The following MYOF variants were observed in gnomAD, a reference collection of about 807,000 sequenced individuals.
MYOF encodes the protein fer-1-like 3, myoferlin.
Under a neutral mutation model 284.2 loss-of-function variants are expected in MYOF, and 244 were observed. That is an observed-to-expected ratio of 0.86 (90% CI 0.77 to 0.95). The LOEUF is 0.95. Among genes scored for constraint, MYOF ranks in the 40% least tolerant of loss-of-function variants. The pLI, the probability that MYOF is intolerant of heterozygous loss-of-function variation, is 0.00. For synonymous variants in MYOF, 904 were observed against 919.7 expected (o/e 0.98, Z 0.31); for missense variants, 2,496 against 2,560.6 (o/e 0.97, Z 0.54).
rs377167806 is a variant in MYOF at position 93,369,743 on chromosome 10, G to T, written c.2491C>A (p.Pro831Thr). ...PQEKNNGPKV[P>T]VELRVNIWLG... is the part of the protein sequence containing the mutation. ...CAGATGTTCACTCGCAACTCCACAG[G>T]CACCTTTGGCCCGTTGTTTTTCTCC... Residue 831 changes from proline to threonine, a missense_variant, in exon 25 of 54, where the codon CCT becomes ACT. Around this residue, in one of 3 missense-constraint regions of MYOF, gnomAD observed 2,436 missense variants for 2,480.7 expected, o/e 0.98. Coordinates refer to ENST00000359263, the MANE Select transcript of MYOF (RefSeq NM_013451.4). The T allele has an allele frequency of 2.3e-5, 37 of 1,614,006 alleles. No homozygotes were observed. The East Asian group carries it at 7.6e-4, about 33-fold the overall frequency.
Position 93,323,267 on chromosome 10 carries a change from T to C in MYOF, c.5360+3A>G. ...TATCAGGGTCTCAGGATGACTGACT[T>C]ACTTCTTGGCTTTCCGGGGTGTGAT... On this transcript the variant is annotated splice_donor_region_variant and intron_variant, in intron 47 of 53. Coordinates refer to ENST00000359263, the MANE Select transcript of MYOF (RefSeq NM_013451.4). The C allele has an allele frequency of 6.2e-7, 1 of 1,614,136 alleles. No homozygotes were observed.
At chr10:93,394,448 C>CTCTTTTTTTTTTTTTTTTT (rs1846871495) in intron 16 of MYOF, among the ~76,000 whole-genome samples, 9 of 28,682 alleles carry the variant, frequency 3.1e-4, no homozygotes, top group Non-Finnish European at 5.2e-4. Flanking sequence ...ACCATCTTGT[C>CTCTTTTTTTTTTTTTTTTT]TTTTTTTTTT....
At position 93,379,853 on chromosome 10, in the gene MYOF, A is replaced by T. The variant is rs201083045; in HGVS notation, c.2001+10T>A. 1.3e-3 allele frequency: 2,152 copies of T among 1,613,266 alleles called. 1 individual carries two copies. Among genetic ancestry groups the T allele is most frequent in the Non-Finnish European group, 1.7e-3 (1,954 of 1,179,314 alleles). On this transcript the variant is annotated intron_variant, in intron 21 of 53. Transcript: ENST00000359263. ...TGGTGAAAAGGAAATGCAGAAAAAGAGAAACTTACCAGCCGTTCTGCCATA... is the reference window on the plus strand; with the variant it reads ...TGGTGAAAAGGAAATGCAGAAAAAGTGAAACTTACCAGCCGTTCTGCCATA...
intron 1 of MYOF, among the ~76,000 whole-genome samples, chr10:93,481,146 C>T (rs1474465359): frequency 6.6e-6 from 1 of 152,218 alleles, no homozygotes; most frequent in African/African-American, 2.4e-5. Context: ...TGACACCAAG[C>T]ATTCCTGTCC....
chr10:93,312,982 A>G (rs764704361), intron 51 of MYOF, 38 bp downstream of exon 51: 4 of 1,569,540 alleles, frequency 2.5e-6, no homozygotes, highest in South Asian at 2.4e-5. Context: ...GATAAAAGGC[A>G]TAAACGATTT....
intron 53 of MYOF, among the ~76,000 whole-genome samples, chr10:93,309,185 G>C (rs181452067): frequency 6.6e-6 from 1 of 152,118 alleles, no homozygotes; most frequent in Non-Finnish European, 1.5e-5. Flanking sequence ...GGGTGCCCAC[G>C]GTTGTTTGTT....
At chr10:93,435,730 G>A (rs1373310479) in intron 3 of MYOF, among the ~76,000 whole-genome samples, 1 of 152,004 alleles carries the variant, frequency 6.6e-6, no homozygotes, top group Non-Finnish European at 1.5e-5. Flanking sequence ...GGAAGCTGAG[G>A]TAGGAGGATC....
intron 1 of MYOF, among the ~76,000 whole-genome samples, chr10:93,480,601 G>A (rs1200720535): frequency 2.0e-5 from 3 of 149,578 alleles, no homozygotes; most frequent in East Asian, 2.0e-4. Context: ...TCAGCCTCCC[G>A]AGTAGCTGGG....
chr10:93,330,767 C>T (rs1843260854), intron 43 of MYOF, among the ~76,000 whole-genome samples: 1 of 152,186 alleles, frequency 6.6e-6, no homozygotes, highest in African/African-American at 2.4e-5. Context: ...GGCCTCCTCT[C>T]TGCCTCCTCC....
At chr10:93,393,663 A>C (rs1209225974) in intron 16 of MYOF, among the ~76,000 whole-genome samples, 1 of 152,198 alleles carries the variant, frequency 6.6e-6, no homozygotes, top group African/African-American at 2.4e-5. Flanking sequence ...CCCTCCCCCC[A>C]TATAGTTCCA....
rs1439604534 is a variant in MYOF, at chr10:93,361,555, G to A, written c.2871C>T (p.Asn957=). ...KPAEDTYTDA[N]GDKAASPSEL... ...CGCTGGGTGATGCTGCTTTATCGCC[G>A]TTCTTACAAAACAAAAATAAAAACA... is the stretch of plus-strand genomic sequence containing the variant. The change falls in exon 28 of 54, where the codon AAC becomes AAT. Residue 957 remains asparagine (N), a splice_region_variant and synonymous_variant. Coordinates refer to ENST00000359263, the MANE Select transcript of MYOF (RefSeq NM_013451.4). The A allele has an allele frequency of 1.1e-5, 17 of 1,613,912 alleles. No individual in the cohort carries two copies. Among genetic ancestry groups the A allele is most frequent in the African/African-American group, 2.7e-5 (2 of 74,904 alleles).
At chr10:93,367,819 TG>T (rs1039875676) in intron 25 of MYOF, among the ~76,000 whole-genome samples, 1 of 149,402 alleles carries the variant, frequency 6.7e-6, no homozygotes, top group Admixed American at 6.7e-5. Context: ...ATCTCGGGGG[TG>T]GGGGGGAATT....
At chr10:93,475,419 G>T (rs887961676) in intron 1 of MYOF, among the ~76,000 whole-genome samples, 1 of 152,090 alleles carries the variant, frequency 6.6e-6, no homozygotes, top group African/African-American at 2.4e-5. Flanking sequence ...ACACCAATTT[G>T]CCCCCAGAGA....
At chr10:93,404,115 T>G in intron 8 of MYOF, 42 bp from the exon 9 acceptor site, 1 of 1,613,944 alleles carries the variant, frequency 6.2e-7, no homozygotes. Context: ...TGGCTTTGCC[T>G]GGCAGTGAGT....
chr10:93,341,972 G>A (rs1843940664), intron 38 of MYOF: 1 of 1,289,620 alleles, frequency 7.8e-7, no homozygotes, highest in Non-Finnish European at 1.0e-6. Context: ...CTTAAGCACT[G>A]GAATTGGAAG....
rs201673770 is a variant in MYOF at position 93,335,985 on chromosome 10, G to T, written c.4499C>A (p.Thr1500Lys). The T allele has an allele frequency of 6.2e-7, 1 of 1,614,016 alleles. No individual in the cohort carries two copies. Among genetic ancestry groups the T allele is most frequent in the East Asian group, 2.2e-5 (1 of 44,894 alleles). ...CGACTTGCCTCGGTACAACTTGAACGTATCTGAGAAGTCTGTCAGGCCCTC... is the reference window on the plus strand; with the variant it reads ...CGACTTGCCTCGGTACAACTTGAACTTATCTGAGAAGTCTGTCAGGCCCTC... ...EFEGLTDFSD[T>K]FKLYRGKSDE... The change falls in exon 41 of 54, where the codon ACG (threonine) becomes AAG (lysine). Residue 1500 changes from threonine (T) to lysine (K), a missense_variant. By Grantham distance (78) the Thr-to-Lys change is moderately conservative. Coordinates refer to ENST00000359263, the MANE Select transcript of MYOF (RefSeq NM_013451.4).
At chr10:93,408,709 T>A (rs1164160021) in intron 7 of MYOF, 78 bp downstream of exon 7, 1 of 1,579,974 alleles carries the variant, frequency 6.3e-7, no homozygotes, top group South Asian at 1.2e-5. Context: ...CAGTGGTGTC[T>A]TCACCAGTGA....
At position 93,313,228 on chromosome 10, in the gene MYOF, A is replaced by C. The variant is rs1451183882; in HGVS notation, c.5699-18T>G. ...TAGGAAACCTAGCCAAGGAAACAAC[A>C]GTAAGTCCAAATGAGCTTCAAGTGG... On this transcript the variant is annotated intron_variant, in intron 50 of 53. Transcript: ENST00000359263. 2 of 1,607,934 alleles carry C rather than the reference A, an allele frequency of 1.2e-6. No homozygotes were observed. Among genetic ancestry groups the C allele is most frequent in the African/African-American group, 2.7e-5 (2 of 74,944 alleles).
intron 1 of MYOF, among the ~76,000 whole-genome samples, chr10:93,479,378 A>G (rs1010936571): frequency 7.2e-5 from 11 of 152,054 alleles, no homozygotes; most frequent in African/African-American, 2.7e-4. Flanking sequence ...GATGGACAGT[A>G]TTTTGCTATA....
Sources: allele counts gnomAD v4.1 joint callset (sites outside exome capture counted in the v4.1 genomes callset), GRCh38; gene constraint gnomAD v4.1.1; regional missense constraint gnomAD v4.1.1; transcripts MANE v1.5; gene names NCBI Gene and HGNC (gene_info 2026-07-23, HGNC 2026-07-21).